Variants in RBMS3 observed in about 807,000 individuals in gnomAD.
RBMS3 encodes the protein RNA binding motif single stranded interacting protein 3.
In RBMS3, 27 loss-of-function variants were observed where a neutral mutation model predicts 66.8. The observed-to-expected ratio is 0.40, with a 90% CI of 0.30 to 0.56. RBMS3 has a LOEUF of 0.56. Among genes scored for constraint, RBMS3 ranks in the 20% least tolerant of loss-of-function variants. RBMS3 has a pLI of 0.40. For synonymous variants in RBMS3, 188 were observed against 183.0 expected (o/e 1.03, Z -0.22); for missense variants, 513 against 549.5 (o/e 0.93, Z 0.66).
chr3:29,427,151 T>G (rs2125711329), intron 1 of RBMS3, among the ~76,000 whole-genome samples: 1 of 152,342 alleles, frequency 6.6e-6, no homozygotes. Context: ...CATATCTAGC[T>G]TTGGGTAGGA....
chr3:29,296,498 A>G (rs747164271), intron 1 of RBMS3, among the ~76,000 whole-genome samples: 26 of 151,780 alleles, frequency 1.7e-4, no homozygotes, highest in Non-Finnish European at 2.7e-4. Flanking sequence ...AATCTAATGG[A>G]CCTAGGTTAA....
At chr3:29,387,771 A>ATAAT (rs2039076509) in intron 1 of RBMS3, among the ~76,000 whole-genome samples, 1 of 151,790 alleles carries the variant, frequency 6.6e-6, no homozygotes, top group African/African-American at 2.4e-5. Context: ...AAATAAATAA[A>ATAAT]ATATATATAA....
At chr3:29,812,055 A>ATGTTAAAGTGGGACT (rs2149459986) in intron 6 of RBMS3, among the ~76,000 whole-genome samples, 1 of 152,302 alleles carries the variant, frequency 6.6e-6, no homozygotes, top group Admixed American at 6.5e-5. Flanking sequence ...TAGACATAAG[A>ATGTTAAAGTGGGACT]TGTTAAAGTG....
chr3:30,005,336 G>C lies in RBMS3; in HGVS notation c.*1474G>C, dbSNP rs1031825515. On this transcript the variant is annotated 3_prime_UTR_variant, in exon 15 of 15. Transcript: ENST00000383767. ...ATGAACTGATTCATAGAGCCAAGTGGCTTTAAATTCTGTGAGCTTTTCTGG... is the reference window on the plus strand; with the variant it reads ...ATGAACTGATTCATAGAGCCAAGTGCCTTTAAATTCTGTGAGCTTTTCTGG... 1.3e-5 allele frequency: 2 copies of C among 151,784 alleles called. No homozygotes were observed. The highest frequency in any genetic ancestry group is 4.8e-5 in the African/African-American group (2 of 41,364). 9.4% of individuals were successfully genotyped at this position (151,784 alleles called of 1,614,324 possible).
chr3:29,654,852 CA>C (rs968320488), intron 4 of RBMS3, among the ~76,000 whole-genome samples: 5 of 151,618 alleles, frequency 3.3e-5, no homozygotes, highest in African/African-American at 1.2e-4. Flanking sequence ...CTCACCTCAG[CA>C]TCCCAAAATG....
At chr3:29,600,294 A>G (rs769304352) in intron 4 of RBMS3, among the ~76,000 whole-genome samples, 1 of 152,064 alleles carries the variant, frequency 6.6e-6, no homozygotes, top group Non-Finnish European at 1.5e-5. Flanking sequence ...TGTTTGGGTC[A>G]TAAAGGTAGA....
At chr3:29,965,090 A>G (rs1696738361) in intron 12 of RBMS3, among the ~76,000 whole-genome samples, 1 of 152,148 alleles carries the variant, frequency 6.6e-6, no homozygotes, top group Non-Finnish European at 1.5e-5. Flanking sequence ...TCATATATAC[A>G]TACCACAGTT....
chr3:29,558,991 T>A (rs896319258), intron 3 of RBMS3, among the ~76,000 whole-genome samples: 1 of 152,182 alleles, frequency 6.6e-6, no homozygotes, highest in Non-Finnish European at 1.5e-5. Flanking sequence ...TAATACTGTA[T>A]AAAAATCACA....
At chr3:29,358,861 G>A (rs2037388955) in intron 1 of RBMS3, among the ~76,000 whole-genome samples, 3 of 152,202 alleles carry the variant, frequency 2.0e-5, no homozygotes, top group Admixed American at 2.0e-4. Flanking sequence ...TGCTATTGGT[G>A]TGTAAGAATG....
chr3:29,584,179 C>T (rs1342935072), intron 3 of RBMS3, among the ~76,000 whole-genome samples: 3 of 152,136 alleles, frequency 2.0e-5, no homozygotes, highest in Non-Finnish European at 4.4e-5. Context: ...TCTTCTTGCT[C>T]AAACTCTCAG....
intron 6 of RBMS3, among the ~76,000 whole-genome samples, chr3:29,831,074 T>C (rs1180816090): frequency 6.6e-6 from 1 of 152,204 alleles, no homozygotes; most frequent in Non-Finnish European, 1.5e-5. Context: ...ATAAATATCA[T>C]ATTTAAAATA....
At chr3:29,609,534 A>T (rs1195320298) in intron 4 of RBMS3, among the ~76,000 whole-genome samples, 1 of 151,994 alleles carries the variant, frequency 6.6e-6, no homozygotes, top group Non-Finnish European at 1.5e-5. Flanking sequence ...GAAGTATTTC[A>T]CTATGTAAAC....
At chr3:29,494,263 C>T (rs1025245337) in intron 3 of RBMS3, among the ~76,000 whole-genome samples, 3 of 152,218 alleles carry the variant, frequency 2.0e-5, no homozygotes, top group African/African-American at 7.2e-5. Flanking sequence ...CTTTTATGCT[C>T]TCCTGAATCC....
intron 2 of RBMS3, among the ~76,000 whole-genome samples, chr3:29,456,590 G>A (rs1016764920): frequency 6.6e-6 from 1 of 152,050 alleles, no homozygotes; most frequent in African/African-American, 2.4e-5. Flanking sequence ...AACAATATCA[G>A]GATTCATTAA....
At chr3:29,952,276 C>G (rs765821040) in intron 12 of RBMS3, among the ~76,000 whole-genome samples, 3 of 151,966 alleles carry the variant, frequency 2.0e-5, no homozygotes, top group Admixed American at 6.6e-5. Flanking sequence ...TTGAGTGATT[C>G]TATAACCTAA....
chr3:29,627,168 T>C (rs965125642), intron 4 of RBMS3, among the ~76,000 whole-genome samples: 1 of 152,166 alleles, frequency 6.6e-6, no homozygotes, highest in Non-Finnish European at 1.5e-5. Context: ...AAATATTTAT[T>C]GCAGCAATTG....
At chr3:29,952,335 TA>T (rs753406863) in intron 12 of RBMS3, among the ~76,000 whole-genome samples, 4 of 151,874 alleles carry the variant, frequency 2.6e-5, no homozygotes, top group Non-Finnish European at 4.4e-5. Context: ...AGAAGATCAA[TA>T]TTTCCATAAC....
chr3:29,646,164 G>T (rs1346022672), intron 4 of RBMS3, among the ~76,000 whole-genome samples: 2 of 152,090 alleles, frequency 1.3e-5, no homozygotes, highest in Non-Finnish European at 2.9e-5. Flanking sequence ...AATTGTACTG[G>T]TCACAGTTTA....
At chr3:29,432,213 G>A (rs13080183) in intron 1 of RBMS3, among the ~76,000 whole-genome samples, 73,741 of 151,982 alleles carry the variant, frequency 0.49, 20,015 homozygotes, top group South Asian at 0.64. Flanking sequence ...GTGGCTGACT[G>A]TATTCTGAGA....
Sources: allele counts gnomAD v4.1 joint callset (sites outside exome capture counted in the v4.1 genomes callset), GRCh38; gene constraint gnomAD v4.1.1; transcripts MANE v1.5; gene names NCBI Gene and HGNC (gene_info 2026-07-23, HGNC 2026-07-21).